The following NAALADL2 variants were observed in gnomAD, a reference collection of about 807,000 sequenced individuals.
NAALADL2 encodes inactive N-acetylated-alpha-linked acidic dipeptidase-like protein 2.
Under a neutral mutation model 87.2 loss-of-function variants are expected in NAALADL2, and 76 were observed. The ratio of observed to expected loss-of-function variants is 0.87; its 90% confidence interval spans 0.72 to 1.05. NAALADL2 has a LOEUF of 1.05. Ranked by LOEUF, NAALADL2 falls within the 50% of genes least tolerant of loss-of-function variation. The pLI is 0.00. For missense variants in NAALADL2, 1,089 were observed against 945.8 expected (o/e 1.15, Z -1.99); for synonymous variants, 354 against 331.0 (o/e 1.07, Z -0.75).
intron 5 of NAALADL2, among the ~76,000 whole-genome samples, chr3:175,398,344 CTTTTTTTTTTT>C (rs776575751): frequency 8.9e-6 from 1 of 112,090 alleles, no homozygotes; most frequent in African/African-American, 3.4e-5. Context: ...GCTTCTGCTA[CTTTTTTTTTTT>C]TTTTTTTTTT....
chr3:175,600,832 C>T (rs919643582), intron 10 of NAALADL2, among the ~76,000 whole-genome samples: 8 of 152,166 alleles, frequency 5.3e-5, no homozygotes, highest in African/African-American at 1.9e-4. Flanking sequence ...CCACCGCGCC[C>T]GGCCGTGTCT....
At chr3:174,550,226 C>T (rs912440745) in intron 1 of NAALADL2, among the ~76,000 whole-genome samples, 21 of 150,858 alleles carry the variant, frequency 1.4e-4, no homozygotes, top group African/African-American at 4.6e-4. Context: ...AGATTTTTTC[C>T]AAAATAAAAA....
chr3:174,698,191 G>A (rs1387175037), intron 2 of NAALADL2, among the ~76,000 whole-genome samples: 1 of 151,940 alleles, frequency 6.6e-6, no homozygotes, highest in East Asian at 1.9e-4. Flanking sequence ...TTAATATTGA[G>A]TTTAATACTA....
chr3:175,745,587 A>T (rs1254321176), intron 12 of NAALADL2, among the ~76,000 whole-genome samples: 1 of 152,162 alleles, frequency 6.6e-6, no homozygotes, highest in Non-Finnish European at 1.5e-5. Context: ...TTGCTTGGGG[A>T]ATAATGACAA....
intron 3 of NAALADL2, among the ~76,000 whole-genome samples, chr3:175,254,097 A>C (rs1346554352): frequency 3.9e-5 from 6 of 152,186 alleles, no homozygotes; most frequent in Non-Finnish European, 8.8e-5. Flanking sequence ...ATTTTAAAGA[A>C]GTTCTATTTT....
At chr3:174,852,010 C>T (rs926735667) in intron 3 of NAALADL2, among the ~76,000 whole-genome samples, 3 of 152,054 alleles carry the variant, frequency 2.0e-5, no homozygotes, top group Non-Finnish European at 4.4e-5. Context: ...CCAAAAAGTA[C>T]TTGGTAAAAT....
At chr3:175,544,221 T>C (rs1384814581) in intron 9 of NAALADL2, among the ~76,000 whole-genome samples, 1 of 152,190 alleles carries the variant, frequency 6.6e-6, no homozygotes, top group African/African-American at 2.4e-5. Flanking sequence ...GTCCTGAATA[T>C]AACCTTGATG....
At chr3:174,940,948 A>G (rs1057160256) in intron 1 of NAALADL2, among the ~76,000 whole-genome samples, 1 of 151,948 alleles carries the variant, frequency 6.6e-6, no homozygotes, top group South Asian at 2.1e-4. Context: ...TATTTTCAAA[A>G]ACCAACTCCT....
At chr3:174,514,531 A>C (rs1292340740) in intron 1 of NAALADL2, among the ~76,000 whole-genome samples, 1 of 152,176 alleles carries the variant, frequency 6.6e-6, no homozygotes, top group East Asian at 1.9e-4. Flanking sequence ...CTATCAAGAG[A>C]GTTGACTAAT....
intron 6 of NAALADL2, among the ~76,000 whole-genome samples, chr3:175,456,088 T>C (rs1478343478): frequency 6.6e-6 from 1 of 152,068 alleles, no homozygotes; most frequent in Non-Finnish European, 1.5e-5. Context: ...AGATACTTGG[T>C]ATAATTATTC....
At chr3:175,717,226 TG>T (rs1483627255) in intron 11 of NAALADL2, among the ~76,000 whole-genome samples, 1 of 152,254 alleles carries the variant, frequency 6.6e-6, no homozygotes, top group Admixed American at 6.5e-5. Context: ...GTGTGAGGCA[TG>T]GCGCAGCCAC....
At chr3:175,578,287 T>C (rs918666468) in intron 10 of NAALADL2, among the ~76,000 whole-genome samples, 2 of 152,000 alleles carry the variant, frequency 1.3e-5, no homozygotes, top group African/African-American at 2.4e-5. Context: ...GCTGGCCGTG[T>C]TTGCAGGTGC....
intron 9 of NAALADL2, among the ~76,000 whole-genome samples, chr3:175,537,293 C>G (rs1164894218): frequency 6.6e-6 from 1 of 152,160 alleles, no homozygotes; most frequent in Non-Finnish European, 1.5e-5. Context: ...TTTAGCCATA[C>G]AGAAGAGATA....
chr3:175,688,910 T>G (rs1218928546), intron 11 of NAALADL2, among the ~76,000 whole-genome samples: 2 of 152,162 alleles, frequency 1.3e-5, no homozygotes, highest in African/African-American at 4.8e-5. Context: ...GATTGCAGTT[T>G]CCTTCAGAAT....
At chr3:175,277,525 T>C (rs771536444) in intron 4 of NAALADL2, among the ~76,000 whole-genome samples, 5 of 152,314 alleles carry the variant, frequency 3.3e-5, no homozygotes, top group African/African-American at 2.4e-5. Context: ...CATCCAGAGA[T>C]ACCAGTGTCT....
intron 11 of NAALADL2, among the ~76,000 whole-genome samples, chr3:175,714,751 A>G (rs184676226): frequency 3.9e-5 from 6 of 152,192 alleles, no homozygotes; most frequent in African/African-American, 9.6e-5. Context: ...CCATTTGTCA[A>G]TTTTGGCTTT....
chr3:174,486,417 G>T (rs1279997426), intron 1 of NAALADL2, among the ~76,000 whole-genome samples: 3 of 152,034 alleles, frequency 2.0e-5, no homozygotes, highest in Non-Finnish European at 4.4e-5. Context: ...GGTCCCCCTA[G>T]TGCTTTTAAA....
chr3:174,806,963 C>T (rs1719582191), intron 3 of NAALADL2, among the ~76,000 whole-genome samples: 1 of 151,744 alleles, frequency 6.6e-6, no homozygotes, highest in African/African-American at 2.4e-5. Context: ...GATTAGGGAA[C>T]CAGCAAAAAG....
intron 9 of NAALADL2, among the ~76,000 whole-genome samples, chr3:175,531,553 C>T (rs1734088364): frequency 6.6e-6 from 1 of 152,326 alleles, no homozygotes; most frequent in Admixed American, 6.5e-5. Context: ...ATTAAGGTCT[C>T]TCTCAATAAG....
Sources: allele counts gnomAD v4.1 joint callset (sites outside exome capture counted in the v4.1 genomes callset), GRCh38; gene constraint gnomAD v4.1.1; transcripts MANE v1.5; gene names NCBI Gene and HGNC (gene_info 2026-07-23, HGNC 2026-07-21).